The following SMIM13 variants were observed in gnomAD, a reference collection of about 807,000 sequenced individuals.
SMIM13 encodes the protein UPF0766 protein C6orf228.
SMIM13 carries 3 observed loss-of-function variants against 5.9 expected under a neutral mutation model. The observed-to-expected ratio is 0.51, with a 90% CI of 0.23 to 1.31. The LOEUF (loss-of-function observed/expected upper bound fraction) is 1.31. SMIM13 is among the 40% of genes most tolerant of loss of function. The pLI, the probability that SMIM13 is intolerant of heterozygous loss-of-function variation, is 0.18. For missense variants in SMIM13, 85 were observed against 109.9 expected, an observed-to-expected ratio of 0.77 and a Z score of 1.01; for synonymous variants, 55 against 46.0, an observed-to-expected ratio of 1.19 and a Z score of -0.79.
intron 1 of SMIM13, among the ~76,000 whole-genome samples, chr6:11,100,044 GTTTTTT>G (rs1561750922): frequency 6.6e-6 from 1 of 151,788 alleles, no homozygotes; most frequent in African/African-American, 2.4e-5. Flanking sequence ...TTGGTACATT[GTTTTTT>G]TGTTTTTGTT....
At chr6:11,119,857 A>G (rs965948605) in intron 1 of SMIM13, among the ~76,000 whole-genome samples, 4 of 152,198 alleles carry the variant, frequency 2.6e-5, no homozygotes, top group Admixed American at 1.3e-4. Context: ...TATTGATTTG[A>G]TAGTGGTAAC....
intron 1 of SMIM13, chr6:11,103,614 A>C: frequency 5.5e-6 from 8 of 1,462,644 alleles, no homozygotes; most frequent in Non-Finnish European, 7.2e-6. Context: ...GGCAAAAACC[A>C]TATCCAGCCA....
rs112958222 is a variant in SMIM13 at position 11,097,493 on chromosome 6, TA to T, written c.76+3117del. Among the ~76,000 whole-genome samples the T allele has an allele frequency of 4.7e-3, 662 of 141,622 alleles. 3 individuals carry two copies. Among genetic ancestry groups the T allele is most frequent in the African/African-American group, 6.3e-3 (245 of 38,908 alleles). 92.9% of individuals were successfully genotyped at this position (141,622 alleles called of 152,430 possible). Reference sequence around the variant, plus strand: ...CAACATGGCGAATCCCCGTCTGTGCTAAAAAAAAAAAAAGAATACCAAAAAT... The same window carrying T: ...CAACATGGCGAATCCCCGTCTGTGCTAAAAAAAAAAAAGAATACCAAAAAT... On this transcript the variant is annotated intron_variant, in intron 1 of 1. Transcript: ENST00000416247.
intron 1 of SMIM13, among the ~76,000 whole-genome samples, chr6:11,132,953 A>G (rs1182496169): frequency 1.3e-5 from 2 of 152,198 alleles, no homozygotes; most frequent in Non-Finnish European, 2.9e-5. Flanking sequence ...TAAAAACTCA[A>G]CAGAAGATAC....
intron 1 of SMIM13, among the ~76,000 whole-genome samples, chr6:11,116,242 C>T (rs148030172): frequency 0.02 from 3,082 of 152,230 alleles, 46 homozygotes; most frequent in South Asian, 0.049. Flanking sequence ...TGTTCTCAAA[C>T]TCTGGGCCTC....
At position 11,118,217 on chromosome 6, in the gene SMIM13, A is replaced by G. The variant is rs111698194; in HGVS notation, c.77-16186A>G. 3.3e-5 allele frequency among the ~76,000 whole-genome samples: 5 copies of G among 152,280 alleles called. 1 individual carries two copies. The highest frequency in any genetic ancestry group is 4.8e-5 in the African/African-American group (2 of 41,546). On this transcript the variant is annotated intron_variant, in intron 1 of 1. Coordinates refer to ENST00000416247, the MANE Select transcript of SMIM13 (RefSeq NM_001135575.2). ...AACGTCCCATATATAATCAAAAGGA[A>G]TGTTTTTTTCTGCTATTGATTGAAA...
chr6:11,126,640 C>G (rs1455588280), intron 1 of SMIM13, among the ~76,000 whole-genome samples: 2 of 152,062 alleles, frequency 1.3e-5, no homozygotes, highest in East Asian at 3.9e-4. Context: ...TTATGTAGTT[C>G]ATTTGGTGAG....
At chr6:11,101,980 C>T (rs558315389) in intron 1 of SMIM13, among the ~76,000 whole-genome samples, 8 of 152,206 alleles carry the variant, frequency 5.3e-5, no homozygotes, top group African/African-American at 1.2e-4. Context: ...TCTGGTGATC[C>T]GCCCACCTCA....
intron 1 of SMIM13, among the ~76,000 whole-genome samples, chr6:11,098,459 T>C (rs553806583): frequency 6.6e-6 from 1 of 152,236 alleles, no homozygotes; most frequent in African/African-American, 2.4e-5. Flanking sequence ...TGAGATGGAG[T>C]TTTGCTCTTG....
At chr6:11,131,134 A>G (rs1360674593) in intron 1 of SMIM13, among the ~76,000 whole-genome samples, 1 of 152,166 alleles carries the variant, frequency 6.6e-6, no homozygotes. Flanking sequence ...AGTTAAGAGA[A>G]GTTTTCCTTA....
intron 1 of SMIM13, among the ~76,000 whole-genome samples, chr6:11,124,175 G>T (rs1460683844): frequency 2.6e-5 from 4 of 152,020 alleles, no homozygotes; most frequent in Non-Finnish European, 5.9e-5. Flanking sequence ...CCCAGCCTCT[G>T]GGAGCTATCA....
intron 1 of SMIM13, among the ~76,000 whole-genome samples, chr6:11,112,706 G>A (rs1758186096): frequency 1.3e-5 from 2 of 152,210 alleles, no homozygotes; most frequent in Admixed American, 1.3e-4. Context: ...ATTGCTGAAA[G>A]AGTATTCCAT....
Position 11,117,165 on chromosome 6 carries a change from A to AT in SMIM13, c.77-17222dup, listed in dbSNP as rs34579750. On this transcript the variant is annotated intron_variant, in intron 1 of 1. Transcript: ENST00000416247. ...GCCACCACGCCCGGCTAATTTTTGTATTTTTTTTTTTTTTTTGAGACGGAG... is the reference window on the plus strand; with the variant it reads ...GCCACCACGCCCGGCTAATTTTTGTATTTTTTTTTTTTTTTTTGAGACGGAG... Among the ~76,000 whole-genome samples, 279 of 69,000 alleles carry AT rather than the reference A, an allele frequency of 4.0e-3. 5 individuals carry two copies. The highest frequency in any genetic ancestry group is 0.01 in the African/African-American group (193 of 18,460). The allele number at this position is 69,000 out of a possible 152,430, so 45.3% of individuals were successfully genotyped here.
chr6:11,106,147 A>G (rs1758079902), intron 1 of SMIM13, among the ~76,000 whole-genome samples: 1 of 152,184 alleles, frequency 6.6e-6, no homozygotes, highest in African/African-American at 2.4e-5. Context: ...GTCATTCTGC[A>G]ATGACCTGGG....
chr6:11,103,163 A>G (rs1758020856), intron 1 of SMIM13: 1 of 152,724 alleles, frequency 6.5e-6, no homozygotes, highest in African/African-American at 2.4e-5. Context: ...AAGCCTTCCT[A>G]AAGGAAGGTC....
intron 1 of SMIM13, among the ~76,000 whole-genome samples, chr6:11,117,535 A>G (rs189825668): frequency 6.6e-6 from 1 of 152,072 alleles, no homozygotes; most frequent in Non-Finnish European, 1.5e-5. Flanking sequence ...TCAATTCAAG[A>G]TATTTTCTAA....
intron 1 of SMIM13, among the ~76,000 whole-genome samples, chr6:11,124,321 G>C (rs530661894): frequency 6.6e-6 from 1 of 152,148 alleles, no homozygotes; most frequent in African/African-American, 2.4e-5. Context: ...GCAAGTGACA[G>C]GATCTCATTC....
chr6:11,098,236 C>G (rs1252880983), intron 1 of SMIM13, among the ~76,000 whole-genome samples: 1 of 152,204 alleles, frequency 6.6e-6, no homozygotes, highest in Non-Finnish European at 1.5e-5. Flanking sequence ...TTGGTTGTCT[C>G]TGCTTTCTCA....
At chr6:11,114,072 A>G (rs1758205191) in intron 1 of SMIM13, among the ~76,000 whole-genome samples, 3 of 151,168 alleles carry the variant, frequency 2.0e-5, no homozygotes, top group Admixed American at 2.0e-4. Flanking sequence ...ATCTGCCCCC[A>G]GGATTCAAGC....
Sources: allele counts gnomAD v4.1 joint callset (sites outside exome capture counted in the v4.1 genomes callset), GRCh38; gene constraint gnomAD v4.1.1; transcripts MANE v1.5; gene names NCBI Gene and HGNC (gene_info 2026-07-23, HGNC 2026-07-21).